PKD1L1: variants seen among roughly 807,000 people sequenced by gnomAD.
PKD1L1 encodes the protein polycystin 1 like 1, transient receptor potential channel interacting.
In PKD1L1, 236 loss-of-function variants were observed where a neutral mutation model predicts 323.4. That is an observed-to-expected ratio of 0.73 (90% CI 0.66 to 0.81). The LOEUF is 0.81. Among genes scored for constraint, PKD1L1 ranks in the 40% least tolerant of loss-of-function variants. The pLI, the probability that PKD1L1 is intolerant of heterozygous loss-of-function variation, is 0.00. For synonymous variants in PKD1L1, 1,344 were observed against 1,335.0 expected (o/e 1.01, Z -0.15); for missense variants, 3,320 against 3,508.0 (o/e 0.95, Z 1.35).
At chr7:47,796,999 CAAAAA>C (rs10600940) in intron 54 of PKD1L1, among the ~76,000 whole-genome samples, 2 of 129,530 alleles carry the variant, frequency 1.5e-5, no homozygotes, top group Non-Finnish European at 3.3e-5. Flanking sequence ...GACTCCGTCT[CAAAAA>C]AAAAAAAAAA....
At chr7:47,866,648 C>G in intron 24 of PKD1L1, 34 bp from the exon 25 acceptor site, 1 of 1,531,234 alleles carries the variant, frequency 6.5e-7, no homozygotes, top group Non-Finnish European at 8.8e-7. Context: ...ATTACTGTTC[C>G]AACACACGGC....
intron 2 of PKD1L1, among the ~76,000 whole-genome samples, chr7:47,942,453 C>T (rs2128758837): frequency 6.6e-6 from 1 of 152,018 alleles, no homozygotes; most frequent in East Asian, 1.9e-4. Flanking sequence ...CCCCGCCCCC[C>T]CACTCCATTT....
rs1786528545 is a variant in PKD1L1, at chr7:47,774,625, T to C, written c.*518A>G. 1 of 152,340 alleles carries C rather than the reference T, an allele frequency of 6.6e-6. No individual in the cohort carries two copies. The highest frequency in any genetic ancestry group is 1.5e-5 in the Non-Finnish European group (1 of 68,124). The allele number at this position is 152,340 out of a possible 1,614,324, so 9.4% of individuals were successfully genotyped here. A position where few individuals can be genotyped will look rare whatever the true frequency, so the allele number is the denominator to read the frequency against. ...AGATAACTTCGAAGTTCAGTTTGAATAACCATTTTATATTGAATTAGTAAA... is the reference window on the plus strand; with the variant it reads ...AGATAACTTCGAAGTTCAGTTTGAACAACCATTTTATATTGAATTAGTAAA... On this transcript the variant is annotated 3_prime_UTR_variant, in exon 57 of 57. Coordinates refer to ENST00000289672, the MANE Select transcript of PKD1L1 (RefSeq NM_138295.5).
At chr7:47,819,476 G>T in intron 46 of PKD1L1, 1 of 1,219,042 alleles carries the variant, frequency 8.2e-7, no homozygotes, top group African/African-American at 1.6e-5. Flanking sequence ...TTCCATTGAG[G>T]ACCCAAATTA....
chr7:47,943,145 CAAAA>C (rs142019299), intron 2 of PKD1L1, among the ~76,000 whole-genome samples: 21 of 88,984 alleles, frequency 2.4e-4, no homozygotes, highest in South Asian at 4.7e-4. Context: ...GACTCCGTCT[CAAAA>C]AAAAAAAAAA....
At chr7:47,935,988 T>G (rs1214077618) in intron 4 of PKD1L1, among the ~76,000 whole-genome samples, 1 of 152,260 alleles carries the variant, frequency 6.6e-6, no homozygotes, top group East Asian at 1.9e-4. Context: ...ACCCATGTTT[T>G]TCCTTTAAGA....
At chr7:47,777,346 T>C (rs1226440175) in intron 56 of PKD1L1, among the ~76,000 whole-genome samples, 1 of 152,204 alleles carries the variant, frequency 6.6e-6, no homozygotes, top group Non-Finnish European at 1.5e-5. Context: ...CCGAAGGAGA[T>C]GGTCTCCTCC....
At chr7:47,844,970 T>C in intron 33 of PKD1L1, 25 bp downstream of exon 33, 1 of 1,584,882 alleles carries the variant, frequency 6.3e-7, no homozygotes, top group Non-Finnish European at 8.7e-7. Flanking sequence ...GTCTATGAAG[T>C]CTTTATGTAG....
intron 7 of PKD1L1, among the ~76,000 whole-genome samples, chr7:47,928,972 T>C (rs1787707054): frequency 6.6e-6 from 1 of 152,162 alleles, no homozygotes; most frequent in South Asian, 2.1e-4. Context: ...ACAAGGCAAG[T>C]GGAAAGATTA....
At chr7:47,790,679 G>A (rs1786923527) in intron 56 of PKD1L1, among the ~76,000 whole-genome samples, 1 of 152,060 alleles carries the variant, frequency 6.6e-6, no homozygotes, top group Non-Finnish European at 1.5e-5. Flanking sequence ...ATTTTCAGGG[G>A]TAGGAGGTAT....
chr7:47,842,698 A>G (rs1785586539), intron 34 of PKD1L1, among the ~76,000 whole-genome samples: 1 of 152,186 alleles, frequency 6.6e-6, no homozygotes, highest in African/African-American at 2.4e-5. Flanking sequence ...GAGACAGAAC[A>G]TATCTCCCCG....
chr7:47,898,485 T>A (rs1427876076), intron 13 of PKD1L1, among the ~76,000 whole-genome samples: 5 of 152,102 alleles, frequency 3.3e-5, no homozygotes, highest in South Asian at 2.1e-4. Flanking sequence ...AGCAAAGATA[T>A]CTGATATTTG....
chr7:47,862,810 A>C (rs1053044341), intron 26 of PKD1L1, among the ~76,000 whole-genome samples: 1 of 152,122 alleles, frequency 6.6e-6, no homozygotes. Flanking sequence ...AGGAGGACAG[A>C]AGGAAAGAAG....
chr7:47,941,313 C>T (rs889784157), intron 2 of PKD1L1, among the ~76,000 whole-genome samples: 3 of 152,216 alleles, frequency 2.0e-5, no homozygotes, highest in African/African-American at 7.2e-5. Context: ...AACCCAAAGG[C>T]CTGCAGGCCG....
chr7:47,958,050 C>G, the PKD1L1 span, among the ~76,000 whole-genome samples: 2 of 151,764 alleles, frequency 1.3e-5, no homozygotes, highest in Non-Finnish European at 1.5e-5. Flanking sequence ...CAGTGCAATT[C>G]CTATCAAAAT....
intron 46 of PKD1L1, among the ~76,000 whole-genome samples, chr7:47,816,150 C>T (rs912336750): frequency 1.3e-5 from 2 of 152,184 alleles, no homozygotes; most frequent in Non-Finnish European, 2.9e-5. Context: ...CACTGACTGC[C>T]GACTGGGCGC....
chr7:47,861,072 G>A (rs929561085), intron 26 of PKD1L1, among the ~76,000 whole-genome samples: 4 of 152,176 alleles, frequency 2.6e-5, no homozygotes, highest in East Asian at 1.9e-4. Flanking sequence ...CAAGATGGAC[G>A]GGGCCAGAGT....
chr7:47,885,648 A>G, intron 18 of PKD1L1, 38 bp downstream of exon 18: 2 of 1,579,134 alleles, frequency 1.3e-6, no homozygotes, highest in Non-Finnish European at 1.7e-6. Flanking sequence ...TTTGGTGCCT[A>G]GACAAGAGGG....
intron 26 of PKD1L1, among the ~76,000 whole-genome samples, chr7:47,859,702 C>T (rs1263617614): frequency 6.6e-6 from 1 of 151,114 alleles, no homozygotes; most frequent in East Asian, 1.9e-4. Context: ...TCTTGGCTCA[C>T]TGCATCCTCC....
Sources: allele counts gnomAD v4.1 joint callset (sites outside exome capture counted in the v4.1 genomes callset), GRCh38; gene constraint gnomAD v4.1.1; transcripts MANE v1.5; gene names NCBI Gene and HGNC (gene_info 2026-07-23, HGNC 2026-07-21).